FKTN: variants seen among roughly 807,000 people sequenced by gnomAD.
FKTN encodes the protein ribitol-5-phosphate transferase FKTN.
In FKTN, 47 loss-of-function variants were observed where a neutral mutation model predicts 58.6. That is an observed-to-expected ratio of 0.80 (90% CI 0.63 to 1.02). The LOEUF (loss-of-function observed/expected upper bound fraction) is 1.02. Among genes scored for constraint, FKTN ranks in the 50% least tolerant of loss-of-function variants. FKTN has a pLI of 0.00. For synonymous variants in FKTN, 178 were observed against 191.9 expected (o/e 0.93, Z 0.60); for missense variants, 516 against 537.3 (o/e 0.96, Z 0.39).
chr9:105,589,212 C>T (rs555463751), intron 3 of FKTN, among the ~76,000 whole-genome samples: 3 of 152,144 alleles, frequency 2.0e-5, no homozygotes, highest in South Asian at 2.1e-4. Flanking sequence ...GAAGAAGGGC[C>T]GACGGCTGGG....
chr9:105,628,972 C>A (rs1290853290), intron 10 of FKTN, among the ~76,000 whole-genome samples: 1 of 152,120 alleles, frequency 6.6e-6, no homozygotes, highest in African/African-American at 2.4e-5. Context: ...TAGAAATGTT[C>A]TATATCTTGA....
At chr9:105,629,175 A>G (rs1833099358) in intron 10 of FKTN, among the ~76,000 whole-genome samples, 1 of 152,192 alleles carries the variant, frequency 6.6e-6, no homozygotes, top group South Asian at 2.1e-4. Context: ...AAGCCTGGGC[A>G]ACATAGGGAG....
At chr9:105,559,033 A>G (rs1837756118) in intron 1 of FKTN, among the ~76,000 whole-genome samples, 1 of 152,228 alleles carries the variant, frequency 6.6e-6, no homozygotes. Flanking sequence ...GGAACCGGGG[A>G]AATGCCGAAA....
chr9:105,618,912 A>G (rs1328640482), intron 9 of FKTN, among the ~76,000 whole-genome samples: 1 of 151,574 alleles, frequency 6.6e-6, no homozygotes, highest in Non-Finnish European at 1.5e-5. Flanking sequence ...AAAAAAAATT[A>G]GCCGGGCGCG....
intron 3 of FKTN, among the ~76,000 whole-genome samples, chr9:105,576,145 CTT>C (rs5899668): frequency 9.5e-4 from 114 of 119,688 alleles, no homozygotes; most frequent in African/African-American, 2.4e-3. Flanking sequence ...TGAAACTTTT[CTT>C]TTTTTTTTTT....
chr9:105,561,157 C>G (rs1023242649), intron 1 of FKTN, among the ~76,000 whole-genome samples: 1 of 151,634 alleles, frequency 6.6e-6, no homozygotes, highest in African/African-American at 2.4e-5. Flanking sequence ...TATAATCATT[C>G]CAGGTGCCCA....
At chr9:105,616,127 C>T (rs936389779) in intron 8 of FKTN, among the ~76,000 whole-genome samples, 5 of 152,148 alleles carry the variant, frequency 3.3e-5, no homozygotes, top group South Asian at 2.1e-4. Flanking sequence ...TGGAATTTAC[C>T]ATTTAATATC....
intron 3 of FKTN, among the ~76,000 whole-genome samples, chr9:105,579,622 C>G (rs530010087): frequency 1.3e-5 from 2 of 148,200 alleles, no homozygotes; most frequent in African/African-American, 5.0e-5. Context: ...TGGTGTGGTG[C>G]TGAAAAAAAT....
intron 1 of FKTN, among the ~76,000 whole-genome samples, chr9:105,566,872 T>G (rs563426876): frequency 3.8e-4 from 58 of 152,320 alleles, no homozygotes; most frequent in African/African-American, 1.3e-3. Context: ...ATATCCCTGA[T>G]GAACATCGAT....
At chr9:105,581,541 C>T (rs1250066648) in intron 3 of FKTN, among the ~76,000 whole-genome samples, 3 of 151,508 alleles carry the variant, frequency 2.0e-5, no homozygotes, top group African/African-American at 7.3e-5. Flanking sequence ...TCTCCAGCTG[C>T]GTGCTGGGAG....
chr9:105,574,805 AT>A, intron 2 of FKTN, 139 bp from the exon 3 acceptor site: 1 of 448,412 alleles, frequency 2.2e-6, no homozygotes, highest in Admixed American at 3.8e-5. Context: ...CTCATATTTG[AT>A]TATTTCTTTA....
intron 3 of FKTN, among the ~76,000 whole-genome samples, chr9:105,581,794 G>C (rs149027244): frequency 0.011 from 1,618 of 152,322 alleles, 27 homozygotes; most frequent in African/African-American, 0.037. Context: ...TTTGATCTCA[G>C]ACTGCTGGGC....
At chr9:105,601,066 A>G (rs1305016005) in intron 4 of FKTN, 79 bp from the exon 5 acceptor site, 2 of 830,518 alleles carry the variant, frequency 2.4e-6, no homozygotes, top group African/African-American at 3.4e-5. Flanking sequence ...TTCTTATACA[A>G]TTAATGAATT....
intron 9 of FKTN, among the ~76,000 whole-genome samples, chr9:105,619,171 T>C (rs1168034947): frequency 6.6e-6 from 1 of 151,992 alleles, no homozygotes; most frequent in Non-Finnish European, 1.5e-5. Context: ...CAAAGTCAAA[T>C]AACAGAGCTC....
intron 1 of FKTN, among the ~76,000 whole-genome samples, 155 bp from the exon 2 acceptor site, chr9:105,573,500 T>C (rs933889359): frequency 1.3e-4 from 20 of 151,896 alleles, no homozygotes; most frequent in African/African-American, 4.4e-4. Flanking sequence ...TGGTGGCACA[T>C]ACTTTTACTC....
At chr9:105,598,252 C>A (rs1827193003) in intron 4 of FKTN, 1 of 375,022 alleles carries the variant, frequency 2.7e-6, no homozygotes, top group Non-Finnish European at 5.5e-6. Context: ...CACTGAATGA[C>A]TATATTTGCA....
In FKTN at chr9:105,598,315, A is replaced by G. The variant is rs540621624; in HGVS notation, c.165+1658A>G. The G allele has an allele frequency of 8.6e-4, 249 of 288,990 alleles. 1 individual carries two copies. Among genetic ancestry groups the G allele is most frequent in the African/African-American group, 5.3e-3 (234 of 44,386 alleles). The allele number at this position is 288,990 out of a possible 1,614,324, so 17.9% of individuals were successfully genotyped here. ...ATACTTCTAAACTTTTAGAAGGAAT[A>G]AAAGGTGAAATCTCATCAATAGTGT... On this transcript the variant is annotated intron_variant, in intron 4 of 10. Coordinates refer to ENST00000357998, the MANE Select transcript of FKTN (RefSeq NM_001079802.2).
Position 105,636,751 on chromosome 9 carries a change from C to G in FKTN, c.*1487C>G. 1.5e-6 allele frequency: 2 copies of G among 1,293,102 alleles called. No homozygotes were observed. Among genetic ancestry groups the G allele is most frequent in the Non-Finnish European group, 2.0e-6 (2 of 981,284 alleles). The allele number at this position is 1,293,102 out of a possible 1,614,324, so 80.1% of individuals were successfully genotyped here. A position where few individuals can be genotyped will look rare whatever the true frequency, so the allele number is the denominator to read the frequency against. ...AGCTTGGCAGATTTTCCTCTGACACCAGAGAACAATAGTAGTCTCAAGAAT... is the reference window on the plus strand; with the variant it reads ...AGCTTGGCAGATTTTCCTCTGACACGAGAGAACAATAGTAGTCTCAAGAAT... On this transcript the variant is annotated 3_prime_UTR_variant, in exon 11 of 11. Coordinates refer to ENST00000357998, the MANE Select transcript of FKTN (RefSeq NM_001079802.2).
intron 10 of FKTN, among the ~76,000 whole-genome samples, chr9:105,629,469 A>C (rs1199755342): frequency 6.6e-6 from 1 of 152,216 alleles, no homozygotes; most frequent in Non-Finnish European, 1.5e-5. Flanking sequence ...TCTTTTAAAA[A>C]TTATCCATTA....
Sources: allele counts gnomAD v4.1 joint callset (sites outside exome capture counted in the v4.1 genomes callset), GRCh38; gene constraint gnomAD v4.1.1; transcripts MANE v1.5; gene names NCBI Gene and HGNC (gene_info 2026-07-23, HGNC 2026-07-21).